Variants in HOMER1 observed in about 807,000 individuals in gnomAD.
The protein encoded by HOMER1 is homer scaffold protein 1.
HOMER1 carries 3 observed loss-of-function variants against 48.9 expected under a neutral mutation model. That is an observed-to-expected ratio of 0.06 (90% CI 0.03 to 0.16). The LOEUF is 0.16. HOMER1 is among the 10% of genes least tolerant of loss of function. The pLI is 1.00. For synonymous variants in HOMER1, 134 were observed against 146.4 expected (o/e 0.92, Z 0.61); for missense variants, 247 against 411.4 (o/e 0.60, Z 3.46).
In HOMER1 at chr5:79,374,654, A is replaced by G. The variant is rs1201798742; in HGVS notation, c.*1355T>C. ...ATCACAGGCATTGTACAGCAAGAAT[A>G]TATGTACTCTGATGCAATTCCTACT... On this transcript the variant is annotated 3_prime_UTR_variant, in exon 9 of 9. Transcript: ENST00000334082. 1 of 152,066 alleles carries G rather than the reference A, an allele frequency of 6.6e-6. No individual in the cohort carries two copies. The highest frequency in any genetic ancestry group is 1.5e-5 in the Non-Finnish European group (1 of 67,914). 9.4% of individuals were successfully genotyped at this position (152,066 alleles called of 1,614,324 possible). A position where few individuals can be genotyped will look rare whatever the true frequency, so the allele number is the denominator to read the frequency against.
At chr5:79,378,597 A>C (rs909158967) in intron 8 of HOMER1, among the ~76,000 whole-genome samples, 9 of 152,160 alleles carry the variant, frequency 5.9e-5, no homozygotes, top group Non-Finnish European at 7.4e-5. Flanking sequence ...TCAAATGTAA[A>C]AATTCCACTC....
intron 8 of HOMER1, among the ~76,000 whole-genome samples, chr5:79,384,310 T>C (rs1749053737): frequency 6.6e-6 from 1 of 151,722 alleles, no homozygotes; most frequent in African/African-American, 2.4e-5. Flanking sequence ...AAATCACAAA[T>C]GGAAAAGGAA....
chr5:79,467,804 T>G (rs984362153), intron 1 of HOMER1, among the ~76,000 whole-genome samples: 2 of 152,074 alleles, frequency 1.3e-5, no homozygotes, highest in Non-Finnish European at 2.9e-5. Context: ...TGAGACAGGG[T>G]TTTGCCCTGT....
chr5:79,442,710 A>T (rs913998539), intron 4 of HOMER1, among the ~76,000 whole-genome samples: 2 of 152,226 alleles, frequency 1.3e-5, no homozygotes, highest in African/African-American at 4.8e-5. Flanking sequence ...TTTATACTTA[A>T]ACAAAGATGA....
At chr5:79,404,121 G>A (rs1039063070) in intron 5 of HOMER1, among the ~76,000 whole-genome samples, 1 of 152,092 alleles carries the variant, frequency 6.6e-6, no homozygotes, top group Non-Finnish European at 1.5e-5. Context: ...TCAATCTGAC[G>A]ATTGACATCT....
chr5:79,412,814 G>A (rs1291843643), intron 5 of HOMER1, among the ~76,000 whole-genome samples: 1 of 152,206 alleles, frequency 6.6e-6, no homozygotes, highest in East Asian at 1.9e-4. Context: ...ATAAACGTCA[G>A]TGACGAGATG....
intron 3 of HOMER1, among the ~76,000 whole-genome samples, chr5:79,449,421 A>C (rs1019262382): frequency 2.6e-5 from 4 of 152,088 alleles, no homozygotes; most frequent in Admixed American, 1.3e-4. Flanking sequence ...ACAGTTCAAG[A>C]AATACATTTA....
intron 8 of HOMER1, among the ~76,000 whole-genome samples, chr5:79,389,924 AT>A (rs773452471): frequency 1.3e-5 from 2 of 152,318 alleles, no homozygotes; most frequent in Non-Finnish European, 2.9e-5. Context: ...AAAGAGAAAA[AT>A]GAGAGCATAA....
chr5:79,498,630 T>C (rs976344744), intron 1 of HOMER1, among the ~76,000 whole-genome samples: 1 of 152,128 alleles, frequency 6.6e-6, no homozygotes. Flanking sequence ...CCTCATACTA[T>C]CACACATTTT....
Position 79,380,977 on chromosome 5 carries a change from G to A in HOMER1, c.877-4780C>T, listed in dbSNP as rs369122335. Among the ~76,000 whole-genome samples the A allele has an allele frequency of 7.2e-5, 11 of 152,170 alleles. No individual in the cohort carries two copies. The East Asian group carries it at 1.4e-3, about 19-fold the overall frequency. On this transcript the variant is annotated intron_variant, in intron 8 of 8. Coordinates refer to ENST00000334082, the MANE Select transcript of HOMER1 (RefSeq NM_004272.5). ...GTCCATACTACACCAGTTGCCCAGG[G>A]GTCGGAGAACCCACCCACCCTTGCA...
chr5:79,472,853 G>A (rs1014954098), intron 1 of HOMER1, among the ~76,000 whole-genome samples: 3 of 151,978 alleles, frequency 2.0e-5, no homozygotes, highest in Admixed American at 6.6e-5. Context: ...ACAGATTTGC[G>A]GATACTGTTG....
intron 5 of HOMER1, among the ~76,000 whole-genome samples, chr5:79,403,293 T>C (rs941776304): frequency 6.6e-6 from 1 of 152,196 alleles, no homozygotes. Flanking sequence ...ATAAATCATT[T>C]GTATTCTAGG....
chr5:79,451,502 T>C (rs1751026094), intron 2 of HOMER1, among the ~76,000 whole-genome samples: 1 of 150,152 alleles, frequency 6.7e-6, no homozygotes, highest in Non-Finnish European at 1.5e-5. Context: ...AAAAGTAGGG[T>C]ACCACCCTCC....
At chr5:79,490,137 G>A (rs1052269965) in intron 1 of HOMER1, among the ~76,000 whole-genome samples, 1 of 152,156 alleles carries the variant, frequency 6.6e-6, no homozygotes, top group Non-Finnish European at 1.5e-5. Context: ...ACATTTAGAA[G>A]AGTGCCAGGC....
At chr5:79,402,168 CTT>C (rs1296790356) in intron 5 of HOMER1, 113 bp from the exon 6 acceptor site, 11,386 of 637,638 alleles carry the variant, frequency 0.018, no homozygotes, top group Middle Eastern at 0.03. Flanking sequence ...GTTTTCTTTT[CTT>C]TTTTTTTTTT....
chr5:79,457,106 T>C, intron 1 of HOMER1, 88 bp from the exon 2 acceptor site: 1 of 1,247,700 alleles, frequency 8.0e-7, no homozygotes, highest in Admixed American at 1.9e-5. Context: ...AGGATGATTC[T>C]GCTTAATCAA....
At chr5:79,494,687 G>A (rs1182495540) in intron 1 of HOMER1, among the ~76,000 whole-genome samples, 1 of 152,194 alleles carries the variant, frequency 6.6e-6, no homozygotes. Flanking sequence ...TGACCAACAT[G>A]GTGAAACTCT....
chr5:79,457,700 T>C (rs189859594), intron 1 of HOMER1, among the ~76,000 whole-genome samples: 2 of 152,332 alleles, frequency 1.3e-5, no homozygotes, highest in East Asian at 1.9e-4. Context: ...AACATAGTTA[T>C]GTATTGATTA....
At position 79,374,425 on chromosome 5, in the gene HOMER1, G is replaced by A. The variant is rs754634630; in HGVS notation, c.*1584C>T. 1 of 152,130 alleles carries A rather than the reference G, an allele frequency of 6.6e-6. No homozygotes were observed. The highest frequency in any genetic ancestry group is 6.6e-5 in the Admixed American group (1 of 15,246). The allele number at this position is 152,130 out of a possible 1,614,324, so 9.4% of individuals were successfully genotyped here. On this transcript the variant is annotated 3_prime_UTR_variant, in exon 9 of 9. Transcript: ENST00000334082. Reference sequence around the variant, plus strand: ...TGTAAATTAATATGTATGTATTTACGTACATACACATACATAAAAAACAAA... The same window carrying A: ...TGTAAATTAATATGTATGTATTTACATACATACACATACATAAAAAACAAA...
Sources: allele counts gnomAD v4.1 joint callset (sites outside exome capture counted in the v4.1 genomes callset), GRCh38; gene constraint gnomAD v4.1.1; transcripts MANE v1.5; gene names NCBI Gene and HGNC (gene_info 2026-07-23, HGNC 2026-07-21).